MSH4: variants seen among roughly 807,000 people sequenced by gnomAD.
The protein encoded by MSH4 is mutS homolog 4.
MSH4 carries 106 observed loss-of-function variants against 113.7 expected under a neutral mutation model. The observed-to-expected ratio is 0.93, with a 90% CI of 0.80 to 1.10. The LOEUF (loss-of-function observed/expected upper bound fraction) is 1.10, where lower values mean the gene tolerates loss of function less well. MSH4 is among the 50% of genes least tolerant of loss of function. The probability of loss-of-function intolerance (pLI) is 0.00; values close to 1 mark genes in which losing one functional copy is unlikely to be tolerated. For missense variants in MSH4, 1,061 were observed against 1,093.7 expected (o/e 0.97, Z 0.42); for synonymous variants, 368 against 380.2 (o/e 0.97, Z 0.37).
chr1:75,835,340 G>A (rs1294188047), intron 7 of MSH4, among the ~76,000 whole-genome samples: 1 of 152,054 alleles, frequency 6.6e-6, no homozygotes, highest in Admixed American at 6.6e-5. Context: ...TATTGGGAAA[G>A]GCAGAAAGAG....
At chr1:75,910,346 A>G (rs182488509) in intron 19 of MSH4, among the ~76,000 whole-genome samples, 2 of 152,124 alleles carry the variant, frequency 1.3e-5, no homozygotes, top group East Asian at 3.9e-4. Context: ...TCTCTTGGCT[A>G]TGTGGAATTA....
intron 18 of MSH4, among the ~76,000 whole-genome samples, chr1:75,898,922 G>A (rs902437025): frequency 1.3e-5 from 2 of 152,024 alleles, no homozygotes; most frequent in Middle Eastern, 3.2e-3. Flanking sequence ...TATGACATGG[G>A]AATAATTTTT....
At chr1:75,886,948 C>T (rs1652138527) in intron 15 of MSH4, among the ~76,000 whole-genome samples, 1 of 150,596 alleles carries the variant, frequency 6.6e-6, no homozygotes, top group Non-Finnish European at 1.5e-5. Context: ...GGGCAGGACC[C>T]ATGTCTGTTT....
At chr1:75,852,533 G>T (rs943548982) in intron 8 of MSH4, among the ~76,000 whole-genome samples, 55 of 152,130 alleles carry the variant, frequency 3.6e-4, no homozygotes, top group Non-Finnish European at 6.5e-4. Flanking sequence ...CCACATCCTT[G>T]TCAAGACTTG....
rs189972295 is a variant in MSH4, at chr1:75,821,755, T to C, written c.990-654T>C. ...TCCTGACTAACTGGGACTAAAGGCC[T>C]GTGCCACCCTGTCCAGTTAATTTTT... On this transcript the variant is annotated intron_variant, in intron 6 of 19. Coordinates refer to ENST00000263187, the MANE Select transcript of MSH4 (RefSeq NM_002440.4). Among the ~76,000 whole-genome samples the C allele has an allele frequency of 8.7e-3, 1,326 of 152,270 alleles. 20 individuals carry two copies. Among genetic ancestry groups the C allele is most frequent in the African/African-American group, 0.03 (1,267 of 41,554 alleles).
At chr1:75,855,614 C>T (rs1366955560) in intron 8 of MSH4, among the ~76,000 whole-genome samples, 1 of 152,164 alleles carries the variant, frequency 6.6e-6, no homozygotes, top group Non-Finnish European at 1.5e-5. Flanking sequence ...TCCACGTGTT[C>T]ACAACGCCAA....
chr1:75,883,733 T>TA lies in MSH4; in HGVS notation c.2021dup (p.Asn674LysfsTer41). On this transcript the variant is annotated frameshift_variant, in exon 15 of 20. Coordinates refer to ENST00000263187, the MANE Select transcript of MSH4 (RefSeq NM_002440.4). LOFTEE classifies it high-confidence loss of function. ...ACAATACCTATGTTACAGAAGGGAG[T>TA]AATTTTTTGATCATAACTGGACCAA... 1 of 1,613,124 alleles carries TA rather than the reference T, an allele frequency of 6.2e-7. No individual in the cohort carries two copies. Among genetic ancestry groups the TA allele is most frequent in the Non-Finnish European group, 8.5e-7 (1 of 1,179,572 alleles).
chr1:75,825,224 G>A (rs183769134), intron 7 of MSH4, among the ~76,000 whole-genome samples: 299 of 151,738 alleles, frequency 2.0e-3, no homozygotes, highest in African/African-American at 6.8e-3. Context: ...TCTTCGTAGC[G>A]GTTGTGAATG....
In MSH4 at chr1:75,888,716, CATATT is replaced by C. The variant is rs1652183648; in HGVS notation, c.2108-529_2108-525del. On this transcript the variant is annotated intron_variant, in intron 15 of 19. Transcript: ENST00000263187. ...ATAATGATTAGATCAGTGTAACTGGCATATTATATTCATAAGCTTTATAAGCATTC... is the reference window on the plus strand; with the variant it reads ...ATAATGATTAGATCAGTGTAACTGGCATATTCATAAGCTTTATAAGCATTC... Among the ~76,000 whole-genome samples the C allele has an allele frequency of 2.0e-5, 3 of 151,930 alleles. No individual in the cohort carries two copies. The South Asian group carries it at 6.2e-4, about 32-fold the overall frequency.
chr1:75,832,267 C>G (rs1195852929), intron 7 of MSH4, among the ~76,000 whole-genome samples: 3 of 152,168 alleles, frequency 2.0e-5, no homozygotes, highest in Non-Finnish European at 4.4e-5. Context: ...AGACCAATAA[C>G]AGGCTCTGAA....
intron 3 of MSH4, among the ~76,000 whole-genome samples, chr1:75,807,680 TA>T (rs1438606375): frequency 4.6e-5 from 7 of 152,198 alleles, no homozygotes; most frequent in African/African-American, 1.4e-4. Context: ...AGGAGATGCA[TA>T]GGGGTGCCAA....
intron 1 of MSH4, among the ~76,000 whole-genome samples, chr1:75,799,329 A>G (rs1649886584): frequency 6.6e-6 from 1 of 152,194 alleles, no homozygotes. Context: ...AAATAGGCGA[A>G]CAAAGGTTCA....
chr1:75,864,726 T>A (rs943251084), intron 8 of MSH4, among the ~76,000 whole-genome samples: 23 of 152,244 alleles, frequency 1.5e-4, no homozygotes, highest in Admixed American at 5.2e-4. Context: ...ACATATTAGA[T>A]ATAAGCCCTT....
Position 75,804,667 on chromosome 1 carries a change from C to T in MSH4, c.427+754C>T, listed in dbSNP as rs150666458. Among the ~76,000 whole-genome samples the T allele has an allele frequency of 5.3e-3, 802 of 151,480 alleles. 6 individuals carry two copies. The highest frequency in any genetic ancestry group is 0.019 in the African/African-American group (775 of 41,278). On this transcript the variant is annotated intron_variant, in intron 2 of 19. Coordinates refer to ENST00000263187, the MANE Select transcript of MSH4 (RefSeq NM_002440.4). ...CTGGGACTACAGGTGCTTGCTACCA[C>T]GCCCGGCTAATTTTTGTATTTTTAG...
chr1:75,833,240 A>G (rs1650746588), intron 7 of MSH4, among the ~76,000 whole-genome samples: 1 of 152,190 alleles, frequency 6.6e-6, no homozygotes, highest in African/African-American at 2.4e-5. Flanking sequence ...GATGTGAAGG[A>G]TGTCTTCCAG....
chr1:75,848,109 G>A, intron 7 of MSH4, 100 bp from the exon 8 acceptor site: 1 of 708,678 alleles, frequency 1.4e-6, no homozygotes, highest in Non-Finnish European at 2.4e-6. Flanking sequence ...TTTGTAGGTA[G>A]AACTGTTCTA....
intron 5 of MSH4, 104 bp from the exon 6 acceptor site, chr1:75,816,269 G>T: frequency 1.4e-6 from 1 of 696,640 alleles, no homozygotes; most frequent in Non-Finnish European, 2.1e-6. Context: ...TTTTCCTTTT[G>T]AGTTTAAGCA....
chr1:75,821,050 C>T lies in MSH4; in HGVS notation c.990-1359C>T, dbSNP rs546026067. The stretch of plus-strand genomic sequence containing the variant: ...GAACTGAACTCAGCTCTGCACCAAG[C>T]GGACGTAATAGACATCTACAGAACT... On this transcript the variant is annotated intron_variant, in intron 6 of 19. Transcript: ENST00000263187. Among the ~76,000 whole-genome samples, 689 of 151,942 alleles carry T rather than the reference C, an allele frequency of 4.5e-3. 4 individuals are homozygous for T. Among genetic ancestry groups the T allele is most frequent in the Middle Eastern group, 0.024 (7 of 294 alleles).
intron 7 of MSH4, among the ~76,000 whole-genome samples, chr1:75,846,331 C>CA (rs1336749401): frequency 4.6e-5 from 7 of 152,188 alleles, no homozygotes; most frequent in Admixed American, 1.3e-4. Context: ...TAAGAGTTTT[C>CA]ATAATTTGTT....
Sources: gnomAD v4.1 joint callset for allele counts (sites outside exome capture counted in the v4.1 genomes callset) on GRCh38, gnomAD v4.1.1 for gene constraint, MANE v1.5 for transcripts, NCBI Gene and HGNC (gene_info 2026-07-23, HGNC 2026-07-21) for gene names.